The following ANKH variants were observed in gnomAD, a reference collection of about 807,000 sequenced individuals.
ANKH encodes ANKH inorganic pyrophosphate transport regulator, also known as mineralization regulator ANKH.
Under a neutral mutation model 49.0 loss-of-function variants are expected in ANKH, and 15 were observed. That is an observed-to-expected ratio of 0.31 (90% CI 0.20 to 0.47). The LOEUF (loss-of-function observed/expected upper bound fraction) is 0.47, where lower values mean the gene tolerates loss of function less well. ANKH is among the 20% of genes least tolerant of loss of function. ANKH has a pLI of 1.00. For missense variants in ANKH, 429 were observed against 652.0 expected (o/e 0.66, Z 3.72); for synonymous variants, 273 against 260.0 (o/e 1.05, Z -0.48).
intron 2 of ANKH, among the ~76,000 whole-genome samples, chr5:14,762,705 C>T (rs1310533937): frequency 1.3e-5 from 2 of 151,184 alleles, no homozygotes; most frequent in Non-Finnish European, 1.5e-5. Flanking sequence ...CCCTCCCATG[C>T]CCCTGAGCTA....
intron 1 of ANKH, among the ~76,000 whole-genome samples, chr5:14,799,093 G>A (rs569170268): frequency 2.0e-5 from 3 of 152,322 alleles, no homozygotes; most frequent in South Asian, 4.1e-4. Flanking sequence ...TTGCTGATAC[G>A]GAGAAAGTTT....
At chr5:14,780,589 T>C (rs1172052584) in intron 1 of ANKH, among the ~76,000 whole-genome samples, 1 of 152,192 alleles carries the variant, frequency 6.6e-6, no homozygotes, top group African/African-American at 2.4e-5. Context: ...GGAAACAGCT[T>C]TTCAAATTCT....
At chr5:14,714,093 C>T (rs1490097520) in intron 9 of ANKH, among the ~76,000 whole-genome samples, 1 of 152,270 alleles carries the variant, frequency 6.6e-6, no homozygotes, top group Non-Finnish European at 1.5e-5. Flanking sequence ...ATCTTCCCTG[C>T]CTGCGGTCAG....
chr5:14,723,517 T>TA (rs1271899348), intron 8 of ANKH, among the ~76,000 whole-genome samples: 4 of 152,022 alleles, frequency 2.6e-5, no homozygotes, highest in Admixed American at 2.6e-4. Flanking sequence ...AGCATACCCT[T>TA]AATCCCAGCT....
intron 1 of ANKH, among the ~76,000 whole-genome samples, chr5:14,811,551 C>A (rs982770345): frequency 6.6e-6 from 1 of 152,166 alleles, no homozygotes; most frequent in African/African-American, 2.4e-5. Context: ...TATACCCTGT[C>A]CCCAAGTACA....
At chr5:14,811,750 T>G (rs1740889980) in intron 1 of ANKH, among the ~76,000 whole-genome samples, 1 of 152,214 alleles carries the variant, frequency 6.6e-6, no homozygotes, top group Non-Finnish European at 1.5e-5. Context: ...AGTTTCTGTT[T>G]TCTACTAAAA....
chr5:14,733,042 G>C (rs10475024), intron 8 of ANKH, among the ~76,000 whole-genome samples: 11 of 152,142 alleles, frequency 7.2e-5, no homozygotes, highest in African/African-American at 2.7e-4. Flanking sequence ...GCTCCAGTTC[G>C]TGCACCCTGG....
intron 1 of ANKH, chr5:14,797,152 T>C (rs1740415379): frequency 6.7e-6 from 9 of 1,344,300 alleles, no homozygotes; most frequent in Non-Finnish European, 9.5e-6. Context: ...GGATCCATGC[T>C]TCCTTCAGGG....
intron 8 of ANKH, among the ~76,000 whole-genome samples, chr5:14,720,952 T>C (rs1737640041): frequency 6.6e-6 from 1 of 152,190 alleles, no homozygotes; most frequent in East Asian, 1.9e-4. Context: ...AGCCAGGTAA[T>C]CCCTGCTCTG....
At chr5:14,768,774 A>G in intron 2 of ANKH, 1 of 624,832 alleles carries the variant, frequency 1.6e-6, no homozygotes. Context: ...TCAGAGACAC[A>G]AAACTACAGC....
At chr5:14,781,459 A>G (rs1045682721) in intron 1 of ANKH, among the ~76,000 whole-genome samples, 2 of 152,208 alleles carry the variant, frequency 1.3e-5, no homozygotes, top group Non-Finnish European at 2.9e-5. Flanking sequence ...TTCCATTAAG[A>G]ATAGGGACAA....
intron 5 of ANKH, among the ~76,000 whole-genome samples, chr5:14,750,455 G>T (rs1738674781): frequency 6.6e-6 from 1 of 152,154 alleles, no homozygotes; most frequent in Admixed American, 6.5e-5. Flanking sequence ...AGTGTTCGTG[G>T]CTCCTATATC....
intron 9 of ANKH, among the ~76,000 whole-genome samples, chr5:14,716,165 G>A (rs1258302029): frequency 6.6e-6 from 1 of 152,168 alleles, no homozygotes; most frequent in African/African-American, 2.4e-5. Flanking sequence ...ATCCTTTCAG[G>A]TCTACTTCCT....
At chr5:14,747,949 AC>A (rs1417212947) in intron 6 of ANKH, among the ~76,000 whole-genome samples, 2 of 152,194 alleles carry the variant, frequency 1.3e-5, no homozygotes, top group Non-Finnish European at 2.9e-5. Context: ...CCATAGGGTT[AC>A]TGGGGAGTCA....
intron 1 of ANKH, among the ~76,000 whole-genome samples, chr5:14,802,622 A>C (rs1580080220): frequency 6.6e-6 from 1 of 150,524 alleles, no homozygotes; most frequent in Non-Finnish European, 1.5e-5. Context: ...CTGGTCCCTC[A>C]CCTCCTCTTC....
chr5:14,711,734 G>A (rs1458312320), intron 11 of ANKH, among the ~76,000 whole-genome samples: 1 of 152,100 alleles, frequency 6.6e-6, no homozygotes, highest in Non-Finnish European at 1.5e-5. Flanking sequence ...GTCACCTCTG[G>A]GACAGCTCCA....
intron 8 of ANKH, among the ~76,000 whole-genome samples, chr5:14,721,929 CA>C (rs35821509): frequency 5.7e-3 from 338 of 59,434 alleles, no homozygotes; most frequent in African/African-American, 0.025. Flanking sequence ...GACTCCGTCT[CA>C]AAAAAAAAAA....
At chr5:14,724,667 C>T (rs772043097) in intron 8 of ANKH, 45 of 709,550 alleles carry the variant, frequency 6.3e-5, no homozygotes, top group Non-Finnish European at 7.1e-5. Context: ...GCATGGTCCC[C>T]GAGCTCCCCT....
At chr5:14,715,388 A>G (rs1308050865) in intron 9 of ANKH, among the ~76,000 whole-genome samples, 1 of 151,918 alleles carries the variant, frequency 6.6e-6, no homozygotes. Context: ...GCCTCGGACT[A>G]CCAAAGTGCT....
Sources: allele counts gnomAD v4.1 joint callset (sites outside exome capture counted in the v4.1 genomes callset), GRCh38; gene constraint gnomAD v4.1.1; transcripts MANE v1.5; gene names NCBI Gene and HGNC (gene_info 2026-07-23, HGNC 2026-07-21).